Variants in RNF144A observed in about 807,000 individuals in gnomAD.
RNF144A encodes the protein E3 ubiquitin-protein ligase RNF144A.
Under a neutral mutation model 38.7 loss-of-function variants are expected in RNF144A, and 11 were observed. The ratio of observed to expected loss-of-function variants is 0.28; its 90% CI spans 0.18 to 0.47. The LOEUF is 0.47. Among genes scored for constraint, RNF144A ranks in the 20% least tolerant of loss-of-function variants. The pLI is 0.99. For missense variants in RNF144A, 316 were observed against 377.2 expected (o/e 0.84, Z 1.34); for synonymous variants, 149 against 143.9 (o/e 1.04, Z -0.25).
chr2:7,075,675 C>T, the RNF144A span, among the ~76,000 whole-genome samples: 1 of 152,246 alleles, frequency 6.6e-6, no homozygotes, highest in East Asian at 1.9e-4. Context: ...ACTTTTCAGC[C>T]TCCAGAACTG....
chr2:7,040,761 T>G lies in RNF144A; in HGVS notation c.*1001T>G. 1 of 985,502 alleles carries G rather than the reference T, an allele frequency of 1.0e-6. No individual in the cohort carries two copies. 61.0% of individuals were successfully genotyped at this position (985,502 alleles called of 1,614,324 possible). A position where few individuals can be genotyped will look rare whatever the true frequency, so the allele number is the denominator to read the frequency against. On this transcript the variant is annotated 3_prime_UTR_variant, in exon 9 of 9. Transcript: ENST00000320892. ...CCTCTTGGCAGAGGCTGGAGGACTC[T>G]GGGGGCTAGGGAAGAGCCTGCCAGA...
intron 2 of RNF144A, among the ~76,000 whole-genome samples, chr2:6,967,729 T>C (rs1667758899): frequency 6.6e-6 from 1 of 152,232 alleles, no homozygotes; most frequent in Non-Finnish European, 1.5e-5. Flanking sequence ...GAAACTCACC[T>C]ACTAAATAAA....
intron 3 of RNF144A, among the ~76,000 whole-genome samples, chr2:7,006,291 T>C (rs1336499465): frequency 6.6e-6 from 1 of 152,188 alleles, no homozygotes; most frequent in Admixed American, 6.5e-5. Context: ...ATCAAGAGTA[T>C]GAAAAACTAA....
intron 1 of RNF144A, among the ~76,000 whole-genome samples, chr2:6,929,189 A>G (rs1665062919): frequency 1.3e-5 from 2 of 152,260 alleles, no homozygotes; most frequent in East Asian, 1.9e-4. Context: ...ATAGTTACAT[A>G]GAAATTGTAT....
At chr2:7,073,175 C>G (rs1014849825), downstream of RNF144A, among the ~76,000 whole-genome samples, 6 of 152,242 alleles carry the variant, frequency 3.9e-5, no homozygotes, top group Non-Finnish European at 7.3e-5. Flanking sequence ...TCCACCCTGT[C>G]TCCATCCCTG....
At chr2:7,016,835 A>T (rs1257235549) in intron 5 of RNF144A, among the ~76,000 whole-genome samples, 1 of 152,134 alleles carries the variant, frequency 6.6e-6, no homozygotes, top group East Asian at 1.9e-4. Flanking sequence ...TGATTTTCTG[A>T]AAACATTGAG....
chr2:6,973,645 T>G (rs1668127899), intron 2 of RNF144A, among the ~76,000 whole-genome samples: 1 of 152,168 alleles, frequency 6.6e-6, no homozygotes, highest in Non-Finnish European at 1.5e-5. Context: ...TTTAGGAAAA[T>G]TAACTTTGTT....
Position 7,039,747 on chromosome 2 carries a change from C to A in RNF144A, c.866C>A (p.Pro289Gln), listed in dbSNP as rs1340336030. The A allele has an allele frequency of 6.2e-7, 1 of 1,613,498 alleles. No homozygotes were observed. Among genetic ancestry groups the A allele is most frequent in the Non-Finnish European group, 8.5e-7 (1 of 1,179,926 alleles). The change falls in exon 9 of 9, where the codon CCG becomes CAG. Residue 289 changes from proline (P) to glutamine (Q), a missense_variant. Physicochemically the swap from Pro to Gln is moderately conservative, Grantham distance 76. Transcript: ENST00000320892. ...KCKCSKGDDD[P>Q]LPT ...AAGTGCAGTAAAGGTGACGACGACC[C>A]GTTACCCACCTAGAGGAAGCGCGAT... is the stretch of plus-strand genomic sequence containing the variant.
chr2:6,998,971 C>T (rs1443461920), intron 3 of RNF144A, among the ~76,000 whole-genome samples: 1 of 152,218 alleles, frequency 6.6e-6, no homozygotes, highest in Non-Finnish European at 1.5e-5. Context: ...TGTTCTTACC[C>T]TTGAAATAGT....
chr2:7,036,932 A>C (rs939115019), intron 8 of RNF144A, among the ~76,000 whole-genome samples: 1 of 152,194 alleles, frequency 6.6e-6, no homozygotes, highest in African/African-American at 2.4e-5. Context: ...GGAACTTAGA[A>C]TGGTTTGCAG....
intron 2 of RNF144A, among the ~76,000 whole-genome samples, chr2:6,956,825 A>G (rs1376723490): frequency 6.6e-6 from 1 of 152,218 alleles, no homozygotes; most frequent in Non-Finnish European, 1.5e-5. Flanking sequence ...TACAAAAAAT[A>G]TGCAGGGCAC....
At chr2:6,980,249 C>T (rs1486056751) in intron 2 of RNF144A, among the ~76,000 whole-genome samples, 1 of 152,184 alleles carries the variant, frequency 6.6e-6, no homozygotes, top group Non-Finnish European at 1.5e-5. Context: ...ACCAATCATG[C>T]TCTCCAACAG....
At chr2:6,985,996 TCTTA>T (rs1416751328) in intron 2 of RNF144A, among the ~76,000 whole-genome samples, 1 of 152,148 alleles carries the variant, frequency 6.6e-6, no homozygotes, top group Non-Finnish European at 1.5e-5. Context: ...TTTATCACTC[TCTTA>T]CTTTGAGATT....
At chr2:7,013,739 C>A (rs2103418211) in intron 3 of RNF144A, among the ~76,000 whole-genome samples, 1 of 152,310 alleles carries the variant, frequency 6.6e-6, no homozygotes, top group East Asian at 1.9e-4. Context: ...GGAGTGAAGA[C>A]CACAGAATCT....
chr2:7,070,668 C>G (rs939864172), downstream of RNF144A, among the ~76,000 whole-genome samples: 1 of 152,140 alleles, frequency 6.6e-6, no homozygotes, highest in African/African-American at 2.4e-5. Context: ...GAGATCTGGA[C>G]ACATACACCC....
intron 1 of RNF144A, among the ~76,000 whole-genome samples, chr2:6,939,423 C>T (rs965590231): frequency 1.3e-5 from 2 of 152,142 alleles, no homozygotes. Context: ...CCCATATTTA[C>T]ATTTGGGTTG....
At chr2:6,939,990 C>T (rs928145282) in intron 1 of RNF144A, among the ~76,000 whole-genome samples, 4 of 152,110 alleles carry the variant, frequency 2.6e-5, no homozygotes, top group African/African-American at 9.7e-5. Flanking sequence ...AGAAGTGTAA[C>T]TCCCCCAAGT....
At chr2:7,071,135 C>T (rs1476478875), downstream of RNF144A, among the ~76,000 whole-genome samples, 1 of 152,060 alleles carries the variant, frequency 6.6e-6, no homozygotes, top group African/African-American at 2.4e-5. Context: ...AGAGTTTCAC[C>T]ATGTTGGCCA....
intron 2 of RNF144A, among the ~76,000 whole-genome samples, chr2:6,985,543 A>C (rs1036316395): frequency 3.3e-5 from 5 of 152,212 alleles, no homozygotes; most frequent in African/African-American, 1.2e-4. Flanking sequence ...TTGGAATTGC[A>C]GGTGAGTTCT....
Sources: gnomAD v4.1 joint callset for allele counts (sites outside exome capture counted in the v4.1 genomes callset) on GRCh38, gnomAD v4.1.1 for gene constraint, MANE v1.5 for transcripts, NCBI Gene and HGNC (gene_info 2026-07-23, HGNC 2026-07-21) for gene names.